The following DLG2 variants were observed in gnomAD, a reference collection of about 807,000 sequenced individuals.
The protein encoded by DLG2 is discs large MAGUK scaffold protein 2, also known as disks large homolog 2.
In DLG2, 45 loss-of-function variants were observed where a neutral mutation model predicts 132.5. The observed-to-expected ratio is 0.34, with a 90% CI of 0.27 to 0.44. DLG2 has a LOEUF of 0.44. Among genes scored for constraint, DLG2 ranks in the 20% least tolerant of loss-of-function variants. DLG2 has a pLI of 1.00. For missense variants in DLG2, 1,045 were observed against 1,196.9 expected (o/e 0.87, Z 1.87); for synonymous variants, 424 against 419.6 (o/e 1.01, Z -0.13).
At chr11:84,550,213 A>G (rs2099399235) in intron 6 of DLG2, among the ~76,000 whole-genome samples, 1 of 152,028 alleles carries the variant, frequency 6.6e-6, no homozygotes, top group Non-Finnish European at 1.5e-5. Flanking sequence ...ACAGGCTTCC[A>G]CCATGCTATT....
At chr11:84,894,904 C>T (rs1401827113) in intron 6 of DLG2, among the ~76,000 whole-genome samples, 2 of 152,142 alleles carry the variant, frequency 1.3e-5, no homozygotes, top group Admixed American at 6.6e-5. Context: ...GATTCTGAGC[C>T]AGCTTAGTCC....
chr11:84,639,059 A>G (rs1019387920), intron 6 of DLG2, among the ~76,000 whole-genome samples: 22 of 152,190 alleles, frequency 1.4e-4, no homozygotes, highest in Non-Finnish European at 4.4e-5. Flanking sequence ...TTAGGTCTTT[A>G]GCTCTCTTTA....
At chr11:84,630,897 C>T (rs2099630421) in intron 6 of DLG2, among the ~76,000 whole-genome samples, 1 of 151,790 alleles carries the variant, frequency 6.6e-6, no homozygotes, top group Non-Finnish European at 1.5e-5. Flanking sequence ...AGAAGTATCA[C>T]CTGAGCATTT....
At chr11:84,664,929 G>A (rs1444454412) in intron 6 of DLG2, among the ~76,000 whole-genome samples, 1 of 152,046 alleles carries the variant, frequency 6.6e-6, no homozygotes, top group Non-Finnish European at 1.5e-5. Context: ...CACGGTATAT[G>A]CTTTGGTCAG....
intron 6 of DLG2, among the ~76,000 whole-genome samples, chr11:84,586,633 CTA>C (rs1394764138): frequency 6.6e-6 from 1 of 152,018 alleles, no homozygotes; most frequent in South Asian, 2.1e-4. Context: ...ATATTTGAAA[CTA>C]TTTTTCTATA....
intron 6 of DLG2, among the ~76,000 whole-genome samples, chr11:84,901,721 T>C (rs1206628265): frequency 6.6e-6 from 1 of 152,064 alleles, no homozygotes; most frequent in South Asian, 2.1e-4. Flanking sequence ...AGACCAGTAA[T>C]TTAGCTATTA....
At chr11:85,617,124 A>G (rs1020408300) in intron 2 of DLG2, among the ~76,000 whole-genome samples, 3 of 152,208 alleles carry the variant, frequency 2.0e-5, no homozygotes, top group African/African-American at 7.2e-5. Context: ...CTTCTAACAT[A>G]CCTAAATTTA....
In DLG2 at chr11:85,009,407, C is replaced by T. The variant is rs1013754164; in HGVS notation, c.357+102254G>A. On this transcript the variant is annotated intron_variant, in intron 6 of 27. Coordinates refer to ENST00000376104, the MANE Select transcript of DLG2 (RefSeq NM_001142699.3). ...AATTGCTTCCAATGGTTTCTAGAAC[C>T]TTTGTACAGAAACAAGCCATAAATA... Among the ~76,000 whole-genome samples, 30 of 152,042 alleles carry T rather than the reference C, an allele frequency of 2.0e-4. 1 individual carries two copies. In the South Asian group the frequency reaches 4.6e-3, roughly 23 times the overall value.
At chr11:84,666,301 C>T (rs754847264) in intron 6 of DLG2, among the ~76,000 whole-genome samples, 1 of 152,148 alleles carries the variant, frequency 6.6e-6, no homozygotes, top group Non-Finnish European at 1.5e-5. Flanking sequence ...AAAGAGAATT[C>T]TCCTATCTAA....
At chr11:84,138,192 A>T (rs1356705032) in intron 9 of DLG2, among the ~76,000 whole-genome samples, 1 of 152,226 alleles carries the variant, frequency 6.6e-6, no homozygotes, top group Non-Finnish European at 1.5e-5. Flanking sequence ...TGCAAAATAG[A>T]TATGACAATA....
intron 8 of DLG2, among the ~76,000 whole-genome samples, chr11:84,205,502 T>C (rs1222592146): frequency 6.6e-6 from 1 of 151,552 alleles, no homozygotes. Flanking sequence ...TCTCAATAAA[T>C]TTCAAAGGAC....
chr11:83,512,576 C>A (rs1027515200), intron 21 of DLG2, among the ~76,000 whole-genome samples: 6 of 152,012 alleles, frequency 3.9e-5, no homozygotes, highest in African/African-American at 1.4e-4. Flanking sequence ...TACATGTGCA[C>A]AATGTGCAGG....
intron 16 of DLG2, among the ~76,000 whole-genome samples, chr11:83,848,993 G>T (rs1299086256): frequency 2.0e-5 from 3 of 152,268 alleles, no homozygotes; most frequent in African/African-American, 4.8e-5. Flanking sequence ...ATACGTATCT[G>T]TCCTCTACCA....
intron 6 of DLG2, among the ~76,000 whole-genome samples, chr11:84,777,107 C>A (rs1410149614): frequency 1.3e-5 from 2 of 151,466 alleles, no homozygotes; most frequent in African/African-American, 4.9e-5. Flanking sequence ...CGTATGTACA[C>A]TTTTTTAAGC....
rs1162562595 is a variant in DLG2, at chr11:85,561,331, CAAAAAAAAAAAAAAAAAAAAA to C, written c.40+37305_40+37325del. On this transcript the variant is annotated intron_variant, in intron 3 of 27. Coordinates refer to ENST00000376104, the MANE Select transcript of DLG2 (RefSeq NM_001142699.3). The stretch of plus-strand genomic sequence containing the variant: ...TAGGTGACAGAGCAAGACCCTATCT[CAAAAAAAAAAAAAAAAAAAAA>C]AAAAAAAAAAAAAAAATAGCTGTGT... 1.9e-3 allele frequency among the ~76,000 whole-genome samples: 24 copies of C among 12,518 alleles called. 1 individual carries two copies. In the Middle Eastern group the frequency reaches 0.38, roughly 196 times the overall value. The allele number at this position is 12,518 out of a possible 152,430, so 8.2% of individuals were successfully genotyped here. A position where few individuals can be genotyped will look rare whatever the true frequency, so the allele number is the denominator to read the frequency against.
intron 9 of DLG2, among the ~76,000 whole-genome samples, chr11:84,130,931 A>G (rs770956339): frequency 2.0e-5 from 3 of 152,062 alleles, no homozygotes; most frequent in Non-Finnish European, 2.9e-5. Flanking sequence ...ATTATTAAAA[A>G]GGCAAACATA....
chr11:85,364,740 C>T (rs1054373955), intron 3 of DLG2, among the ~76,000 whole-genome samples: 2 of 152,148 alleles, frequency 1.3e-5, no homozygotes. Context: ...AATAGTAATA[C>T]ATTTAGTGTT....
At chr11:85,608,504 G>A (rs1283816658) in intron 2 of DLG2, among the ~76,000 whole-genome samples, 3 of 152,222 alleles carry the variant, frequency 2.0e-5, no homozygotes, top group African/African-American at 7.2e-5. Context: ...ACATAACTAT[G>A]CAAAGCTTGC....
chr11:84,242,757 T>A (rs933318151), intron 8 of DLG2, among the ~76,000 whole-genome samples: 3 of 152,154 alleles, frequency 2.0e-5, no homozygotes, highest in African/African-American at 7.2e-5. Context: ...TCACTGAACT[T>A]TTAAGAAAGC....
Sources: allele counts gnomAD v4.1 joint callset (sites outside exome capture counted in the v4.1 genomes callset), GRCh38; gene constraint gnomAD v4.1.1; transcripts MANE v1.5; gene names NCBI Gene and HGNC (gene_info 2026-07-23, HGNC 2026-07-21).